PTPRE: variants seen among roughly 807,000 people sequenced by gnomAD.
PTPRE encodes the protein receptor-type tyrosine-protein phosphatase epsilon.
A neutral mutation model predicts 102.0 loss-of-function variants in PTPRE; 51 were observed. That is an observed-to-expected ratio of 0.50 (90% CI 0.40 to 0.63). The LOEUF is 0.63. Ranked by LOEUF, PTPRE falls within the 30% of genes least tolerant of loss-of-function variation. The probability of loss-of-function intolerance (pLI) is 0.00; values close to 1 mark genes in which losing one functional copy is unlikely to be tolerated. For synonymous variants in PTPRE, 345 were observed against 348.2 expected (o/e 0.99, Z 0.10); for missense variants, 752 against 915.1 (o/e 0.82, Z 2.30).
At chr10:127,917,231 G>A (rs1196086587) in intron 1 of PTPRE, among the ~76,000 whole-genome samples, 2 of 151,152 alleles carry the variant, frequency 1.3e-5, no homozygotes, top group South Asian at 4.2e-4. Context: ...GAGTTTGAGG[G>A]TGCCAGAGGG....
chr10:128,067,147 A>G (rs917382652), intron 11 of PTPRE, among the ~76,000 whole-genome samples: 2 of 144,702 alleles, frequency 1.4e-5, no homozygotes, highest in African/African-American at 2.7e-5. Flanking sequence ...ACACATGTGC[A>G]CACACACCCC....
At chr10:128,032,341 T>C (rs1846831550) in intron 2 of PTPRE, among the ~76,000 whole-genome samples, 1 of 152,202 alleles carries the variant, frequency 6.6e-6, no homozygotes, top group African/African-American at 2.4e-5. Flanking sequence ...AATGTTGAAA[T>C]GATACTTGCA....
In PTPRE at chr10:128,083,136, ATAT is replaced by A. The variant is rs1175535554; in HGVS notation, c.*233_*235del. 7.3e-5 allele frequency: 21 copies of A among 287,122 alleles called. No homozygotes were observed. Among genetic ancestry groups the A allele is most frequent in the African/African-American group, 3.5e-4 (16 of 45,876 alleles). 17.8% of individuals were successfully genotyped at this position (287,122 alleles called of 1,614,324 possible). A position where few individuals can be genotyped will look rare whatever the true frequency, so the allele number is the denominator to read the frequency against. On this transcript the variant is annotated 3_prime_UTR_variant, in exon 21 of 21. Transcript: ENST00000254667. ...TCCCATAAAATATATATTTCTGCTA[ATAT>A]TAGTAAATATCTTAATTTTTCATTA...
At chr10:127,995,052 C>T (rs1277721162) in intron 2 of PTPRE, among the ~76,000 whole-genome samples, 1 of 152,046 alleles carries the variant, frequency 6.6e-6, no homozygotes, top group Non-Finnish European at 1.5e-5. Flanking sequence ...GTAGGTGTCG[C>T]CCACCAAAAA....
At chr10:127,958,621 T>A (rs528547726) in intron 1 of PTPRE, among the ~76,000 whole-genome samples, 71 of 152,356 alleles carry the variant, frequency 4.7e-4, no homozygotes, top group African/African-American at 1.7e-3. Flanking sequence ...ATTATGCAGC[T>A]AAATTCATGA....
chr10:127,923,821 A>G (rs1413025503), intron 1 of PTPRE, among the ~76,000 whole-genome samples: 1 of 152,158 alleles, frequency 6.6e-6, no homozygotes. Context: ...AGGATCTTGC[A>G]TTCATTTCCC....
chr10:127,965,266 A>G (rs999009982), intron 1 of PTPRE, among the ~76,000 whole-genome samples: 1 of 152,226 alleles, frequency 6.6e-6, no homozygotes, highest in African/African-American at 2.4e-5. Flanking sequence ...TTAAAAGACA[A>G]AAGAAGTTCT....
In PTPRE at chr10:128,070,125, C is replaced by T. The variant is rs1301508417; in HGVS notation, c.1144-176C>T. The T allele has an allele frequency of 1.3e-6, 1 of 769,146 alleles. No homozygotes were observed. Among genetic ancestry groups the T allele is most frequent in the East Asian group, 2.7e-5 (1 of 37,032 alleles). 47.6% of individuals were successfully genotyped at this position (769,146 alleles called of 1,614,324 possible). A position where few individuals can be genotyped will look rare whatever the true frequency, so the allele number is the denominator to read the frequency against. ...GGCTCTGCTGCTACCGTTCTCCTTA[C>T]TCAAGGGCATAAATGGTCGTTATCC... On this transcript the variant is annotated intron_variant, in intron 13 of 20. Transcript: ENST00000254667. This position sits in a 1 kb window ranked among gnomAD's most constrained non-coding sequence, Gnocchi z 4.8.
chr10:127,994,321 C>G (rs1326248207), intron 2 of PTPRE, among the ~76,000 whole-genome samples: 2 of 152,176 alleles, frequency 1.3e-5, no homozygotes, highest in African/African-American at 4.8e-5. Flanking sequence ...CCTTCCCTGC[C>G]CACTCTATCT....
chr10:127,953,643 CTGCCTTCTCTCTCT>C (rs904942842), intron 1 of PTPRE, among the ~76,000 whole-genome samples: 2 of 152,216 alleles, frequency 1.3e-5, no homozygotes, highest in African/African-American at 4.8e-5. Context: ...TCCTGCTATG[CTGCCTTCTCTCTCT>C]TGCCTGCACC....
chr10:128,049,033 G>A (rs999603963), intron 5 of PTPRE, among the ~76,000 whole-genome samples: 1 of 152,122 alleles, frequency 6.6e-6, no homozygotes, highest in Non-Finnish European at 1.5e-5. Context: ...GACAAGGGTG[G>A]TTTTCCCTTG....
intron 1 of PTPRE, among the ~76,000 whole-genome samples, chr10:127,918,216 TAAAGACC>T (rs1846341219): frequency 1.3e-5 from 2 of 152,036 alleles, no homozygotes; most frequent in Non-Finnish European, 2.9e-5. Context: ...GACTCTTATC[TAAAGACC>T]TCAGGCTGGC....
At chr10:128,044,778 C>T (rs757430732) in intron 3 of PTPRE, among the ~76,000 whole-genome samples, 33 of 152,190 alleles carry the variant, frequency 2.2e-4, no homozygotes, top group Non-Finnish European at 4.6e-4. Flanking sequence ...TCAGATGACT[C>T]CCTGACTCCT....
Position 128,028,189 on chromosome 10 carries a change from C to T in PTPRE, c.-7-12686C>T, listed in dbSNP as rs1411972184. The stretch of plus-strand genomic sequence containing the variant: ...CAGAACTTTCTCCAAAGGAGGTTAG[C>T]CATGTTTGTCAGGCTCAGGGAGAAG... On this transcript the variant is annotated intron_variant, in intron 2 of 20. Transcript: ENST00000254667. This position sits in a 1 kb window ranked among gnomAD's most constrained non-coding sequence, Gnocchi z 4.5. 6.6e-6 allele frequency among the ~76,000 whole-genome samples: 1 copy of T among 152,184 alleles called. No homozygotes were observed. Among genetic ancestry groups the T allele is most frequent in the African/African-American group, 2.4e-5 (1 of 41,436 alleles).
chr10:128,048,097 G>C (rs1028718506), intron 5 of PTPRE, among the ~76,000 whole-genome samples: 2 of 152,108 alleles, frequency 1.3e-5, no homozygotes, highest in African/African-American at 4.8e-5. Flanking sequence ...TTCATATCCT[G>C]TCGTTTTCAC....
intron 2 of PTPRE, among the ~76,000 whole-genome samples, chr10:128,011,703 T>C (rs937889812): frequency 2.0e-5 from 3 of 152,336 alleles, no homozygotes; most frequent in African/African-American, 7.2e-5. Flanking sequence ...ATGCTTCCTC[T>C]ATCTGTCCTG....
At chr10:128,022,768 G>T (rs1310817377) in intron 2 of PTPRE, among the ~76,000 whole-genome samples, 2 of 152,226 alleles carry the variant, frequency 1.3e-5, no homozygotes, top group African/African-American at 4.8e-5. Context: ...CGGGCACAGG[G>T]GCCTGGGAGG....
chr10:127,972,091 C>T (rs533646043), intron 1 of PTPRE, among the ~76,000 whole-genome samples: 4 of 152,224 alleles, frequency 2.6e-5, no homozygotes, highest in South Asian at 2.1e-4. Context: ...CTGTGCACTT[C>T]GAAGCCATGA....
chr10:128,019,841 C>T (rs557202411), intron 2 of PTPRE, among the ~76,000 whole-genome samples: 4 of 152,320 alleles, frequency 2.6e-5, no homozygotes, highest in African/African-American at 7.2e-5. Flanking sequence ...CCAGAGGACC[C>T]CTGCCCCTCT....
Sources: gnomAD v4.1 joint callset for allele counts (sites outside exome capture counted in the v4.1 genomes callset) on GRCh38, gnomAD v4.1.1 for gene constraint, Gnocchi (gnomAD v3.1) non-coding constraint, MANE v1.5 for transcripts, NCBI Gene and HGNC (gene_info 2026-07-23, HGNC 2026-07-21) for gene names.